The following USH2A variants were observed in gnomAD, a reference collection of about 807,000 sequenced individuals.
USH2A encodes the protein Usher syndrome 2A (autosomal recessive, mild).
USH2A carries 443 observed loss-of-function variants against 538.9 expected under a neutral mutation model. The observed-to-expected ratio is 0.82, with a 90% CI of 0.76 to 0.89. The LOEUF is 0.89. Ranked by LOEUF, USH2A falls within the 40% of genes least tolerant of loss-of-function variation. The probability of loss-of-function intolerance (pLI) is 0.00; values close to 1 mark genes in which losing one functional copy is unlikely to be tolerated. For synonymous variants in USH2A, 2,413 were observed against 2,273.5 expected (o/e 1.06, Z -1.75); for missense variants, 6,633 against 6,324.8 (o/e 1.05, Z -1.65).
intron 37 of USH2A, among the ~76,000 whole-genome samples, chr1:215,946,502 G>A (rs891036858): frequency 1.3e-5 from 2 of 152,182 alleles, no homozygotes; most frequent in Non-Finnish European, 2.9e-5. Flanking sequence ...GACTCTATTA[G>A]TTGAGCCAAC....
intron 38 of USH2A, among the ~76,000 whole-genome samples, chr1:215,909,630 T>C (rs933230403): frequency 2.6e-5 from 4 of 151,864 alleles, no homozygotes; most frequent in Non-Finnish European, 5.9e-5. Context: ...AAAGAAGCAT[T>C]TCTAATATAA....
chr1:216,126,371 A>C, intron 21 of USH2A, among the ~76,000 whole-genome samples: 1 of 152,058 alleles, frequency 6.6e-6, no homozygotes, highest in East Asian at 1.9e-4. Flanking sequence ...TTACAGGTGC[A>C]TGGCACTATG....
At chr1:216,380,036 G>T (rs1347726451) in intron 3 of USH2A, among the ~76,000 whole-genome samples, 1 of 152,094 alleles carries the variant, frequency 6.6e-6, no homozygotes, top group African/African-American at 2.4e-5. Flanking sequence ...TTTAAAACTG[G>T]ATACTTATTG....
intron 30 of USH2A, among the ~76,000 whole-genome samples, chr1:216,054,384 G>A (rs1307166773): frequency 1.4e-5 from 2 of 144,236 alleles, no homozygotes; most frequent in South Asian, 2.1e-4. Flanking sequence ...GACGACCTAA[G>A]ACAAAATCAT....
At chr1:216,332,434 T>A (rs1001853681) in intron 4 of USH2A, among the ~76,000 whole-genome samples, 1 of 151,990 alleles carries the variant, frequency 6.6e-6, no homozygotes, top group Admixed American at 6.6e-5. Context: ...GCTTTGCAAA[T>A]CCTTAAAAAA....
intron 11 of USH2A, among the ~76,000 whole-genome samples, chr1:216,275,756 C>A (rs2036659228): frequency 6.6e-6 from 1 of 152,116 alleles, no homozygotes; most frequent in Non-Finnish European, 1.5e-5. Context: ...TCAACCAAAT[C>A]TCCATTTGAG....
At chr1:215,812,467 C>T (rs1461278813) in intron 49 of USH2A, among the ~76,000 whole-genome samples, 1 of 152,152 alleles carries the variant, frequency 6.6e-6, no homozygotes, top group Non-Finnish European at 1.5e-5. Flanking sequence ...TATATTTGCT[C>T]CAGTATTTTG....
At chr1:216,323,416 G>T in intron 8 of USH2A, 58 bp downstream of exon 8, 1 of 1,521,624 alleles carries the variant, frequency 6.6e-7, no homozygotes, top group Non-Finnish European at 9.1e-7. Context: ...ATCTTAATGT[G>T]CTGTTAAGAC....
intron 4 of USH2A, among the ~76,000 whole-genome samples, chr1:216,359,096 T>A (rs6604657): frequency 0.39 from 59,795 of 151,966 alleles, 13,204 homozygotes; most frequent in African/African-American, 0.61. Flanking sequence ...AGATTATGCA[T>A]TATACTAATT....
At chr1:216,192,381 GGA>G (rs940261249) in intron 19 of USH2A, among the ~76,000 whole-genome samples, 1 of 152,050 alleles carries the variant, frequency 6.6e-6, no homozygotes, top group Non-Finnish European at 1.5e-5. Flanking sequence ...TATTTGCACA[GGA>G]GAGAGAGTTC....
At chr1:215,774,582 A>G (rs1470302717) in intron 55 of USH2A, among the ~76,000 whole-genome samples, 4 of 152,054 alleles carry the variant, frequency 2.6e-5, no homozygotes, top group Non-Finnish European at 5.9e-5. Flanking sequence ...GTTCAGTGTT[A>G]TGCTAGACTG....
At chr1:216,231,913 T>A in intron 14 of USH2A, 40 bp downstream of exon 14, 1 of 1,613,082 alleles carries the variant, frequency 6.2e-7, no homozygotes, top group Non-Finnish European at 8.5e-7. Context: ...TAACTGTTGC[T>A]AAAGAAAGAG....
intron 20 of USH2A, among the ~76,000 whole-genome samples, chr1:216,178,720 C>A (rs2034437881): frequency 6.6e-6 from 1 of 152,026 alleles, no homozygotes; most frequent in South Asian, 2.1e-4. Flanking sequence ...GAACTTTCTC[C>A]AATGAAGGAA....
intron 32 of USH2A, among the ~76,000 whole-genome samples, chr1:216,028,441 G>A (rs1257114457): frequency 6.6e-6 from 1 of 151,530 alleles, no homozygotes; most frequent in African/African-American, 2.4e-5. Flanking sequence ...CACAGAAGCT[G>A]GAATATGTGA....
chr1:216,255,289 T>C (rs2036238266), intron 11 of USH2A, among the ~76,000 whole-genome samples: 1 of 152,206 alleles, frequency 6.6e-6, no homozygotes. Context: ...GCTTGGGTCT[T>C]CCCTTCTTTT....
intron 47 of USH2A, among the ~76,000 whole-genome samples, chr1:215,835,293 C>T (rs1663444976): frequency 6.6e-6 from 1 of 150,770 alleles, no homozygotes; most frequent in African/African-American, 2.4e-5. Context: ...TCCCTATATG[C>T]TATTATCTGG....
At position 216,417,265 on chromosome 1, in the gene USH2A, T is replaced by TA. The variant is rs10707482; in HGVS notation, c.651+1248dup. Among the ~76,000 whole-genome samples the TA allele has an allele frequency of 5.6e-3, 753 of 135,066 alleles. 9 individuals are homozygous for TA. The highest frequency in any genetic ancestry group is 0.033 in the East Asian group (154 of 4,684). The allele number at this position is 135,066 out of a possible 152,430, so 88.6% of individuals were successfully genotyped here. A position where few individuals can be genotyped will look rare whatever the true frequency, so the allele number is the denominator to read the frequency against. On this transcript the variant is annotated intron_variant, in intron 3 of 71. Transcript: ENST00000307340. ...GCACACTCATTATCTGCTTCAAGAT[T>TA]AAAAAAAAAAAAAAAAGTGAGAAAT...
chr1:215,946,416 C>T (rs566382466), intron 37 of USH2A, among the ~76,000 whole-genome samples: 103 of 152,158 alleles, frequency 6.8e-4, no homozygotes, highest in Admixed American at 1.4e-3. Flanking sequence ...TAATTTGGCA[C>T]AAATATTTGC....
chr1:216,125,343 T>C (rs2033229399), intron 21 of USH2A, among the ~76,000 whole-genome samples: 1 of 152,168 alleles, frequency 6.6e-6, no homozygotes, highest in Admixed American at 6.5e-5. Flanking sequence ...AGTGAATCGC[T>C]ATTAGCTGTC....
Sources: gnomAD v4.1 joint callset for allele counts (sites outside exome capture counted in the v4.1 genomes callset) on GRCh38, gnomAD v4.1.1 for gene constraint, MANE v1.5 for transcripts, NCBI Gene and HGNC (gene_info 2026-07-23, HGNC 2026-07-21) for gene names.